PRR16: variants seen among roughly 807,000 people sequenced by gnomAD.
PRR16 encodes proline rich 16.
Under a neutral mutation model 18.2 loss-of-function variants are expected in PRR16, and 6 were observed. The observed-to-expected ratio is 0.33, with a 90% CI of 0.18 to 0.65. The LOEUF (loss-of-function observed/expected upper bound fraction) is 0.65, where lower values mean the gene tolerates loss of function less well. Ranked by LOEUF, PRR16 falls within the 30% of genes least tolerant of loss-of-function variation. PRR16 has a pLI of 0.74. For missense variants in PRR16, 412 were observed against 376.6 expected (o/e 1.09, Z -0.78); for synonymous variants, 151 against 147.8 (o/e 1.02, Z -0.16).
At chr5:120,693,668 A>G in the PRR16 span, among the ~76,000 whole-genome samples, 1 of 151,650 alleles carries the variant, frequency 6.6e-6, no homozygotes, top group South Asian at 2.1e-4. Flanking sequence ...GGAAATTACT[A>G]TTTACTCAAT....
intron 1 of PRR16, among the ~76,000 whole-genome samples, chr5:120,566,429 A>G (rs1366398620): frequency 6.6e-6 from 1 of 152,222 alleles, no homozygotes; most frequent in Non-Finnish European, 1.5e-5. Flanking sequence ...TACCAAACTA[A>G]TAGCATGACT....
At chr5:120,754,939 T>C in the PRR16 span, among the ~76,000 whole-genome samples, 5 of 150,784 alleles carry the variant, frequency 3.3e-5, no homozygotes, top group South Asian at 6.2e-4. Flanking sequence ...TAGAATATCA[T>C]AGAGTGTACA....
the PRR16 span, among the ~76,000 whole-genome samples, chr5:120,694,512 G>A: frequency 2.0e-5 from 3 of 151,832 alleles, no homozygotes; most frequent in African/African-American, 7.3e-5. Flanking sequence ...GTGAAACCCC[G>A]TCTGTACTAA....
the PRR16 span, among the ~76,000 whole-genome samples, chr5:120,713,366 T>G: frequency 6.6e-6 from 1 of 152,170 alleles, no homozygotes; most frequent in Non-Finnish European, 1.5e-5. Flanking sequence ...TTTCATGGGC[T>G]AGGAAAAGAA....
chr5:120,585,828 C>T (rs1753422434), intron 1 of PRR16, among the ~76,000 whole-genome samples: 1 of 151,588 alleles, frequency 6.6e-6, no homozygotes, highest in South Asian at 2.1e-4. Context: ...CCTTCATTTC[C>T]AGGATCCCTG....
intron 1 of PRR16, among the ~76,000 whole-genome samples, chr5:120,622,707 G>A (rs901972182): frequency 4.6e-5 from 7 of 151,956 alleles, no homozygotes; most frequent in African/African-American, 1.7e-4. Flanking sequence ...TCGATCTCCT[G>A]ACCTTATGAT....
rs530815278 is a variant in PRR16, at chr5:120,610,068, G to A, written c.160-75886G>A. On this transcript the variant is annotated intron_variant, in intron 1 of 1. Coordinates refer to ENST00000407149, the MANE Select transcript of PRR16 (RefSeq NM_001300783.2). ...CACGGGCCCATTTAGCACCTATACCGTTATCCTGAAGAGGCAGGTGCAAAA... is the reference window on the plus strand; with the variant it reads ...CACGGGCCCATTTAGCACCTATACCATTATCCTGAAGAGGCAGGTGCAAAA... Among the ~76,000 whole-genome samples the A allele has an allele frequency of 1.3e-4, 20 of 152,184 alleles. No homozygotes were observed. The South Asian group carries it at 2.7e-3, about 21-fold the overall frequency.
chr5:120,712,458 A>G, the PRR16 span, among the ~76,000 whole-genome samples: 1 of 151,880 alleles, frequency 6.6e-6, no homozygotes, highest in African/African-American at 2.4e-5. Context: ...TATTTTTTAG[A>G]TTCCACATAT....
At chr5:120,575,527 T>C (rs2112743880) in intron 1 of PRR16, among the ~76,000 whole-genome samples, 1 of 152,252 alleles carries the variant, frequency 6.6e-6, no homozygotes, top group Non-Finnish European at 1.5e-5. Context: ...AAACATGGTA[T>C]GTCAGATCAA....
At chr5:120,654,477 C>CTT (rs549516616) in intron 1 of PRR16, among the ~76,000 whole-genome samples, 12 of 147,908 alleles carry the variant, frequency 8.1e-5, no homozygotes, top group African/African-American at 3.0e-4. Flanking sequence ...CAAAAAGTGT[C>CTT]TTTTTTTTTT....
chr5:120,635,628 A>G (rs1755202196), intron 1 of PRR16, among the ~76,000 whole-genome samples: 1 of 152,184 alleles, frequency 6.6e-6, no homozygotes, highest in South Asian at 2.1e-4. Flanking sequence ...TTAAGGTAGT[A>G]AAAACCATCT....
chr5:120,734,888 A>G, the PRR16 span, among the ~76,000 whole-genome samples: 16 of 152,218 alleles, frequency 1.1e-4, no homozygotes, highest in Non-Finnish European at 7.3e-5. Flanking sequence ...ATTCAGCTTG[A>G]CAAGTATTTG....
intron 1 of PRR16, among the ~76,000 whole-genome samples, chr5:120,639,864 T>A (rs1755363748): frequency 6.6e-6 from 1 of 151,786 alleles, no homozygotes; most frequent in African/African-American, 2.4e-5. Flanking sequence ...GCATTGTTCA[T>A]AATAGCAAAG....
At chr5:120,651,709 C>T (rs569521205) in intron 1 of PRR16, among the ~76,000 whole-genome samples, 2 of 152,140 alleles carry the variant, frequency 1.3e-5, no homozygotes, top group African/African-American at 2.4e-5. Context: ...GGTACCAGTA[C>T]CATGCTGCTT....
chr5:120,508,055 G>C lies in PRR16; in HGVS notation c.159+43410G>C, dbSNP rs538075598. Reference sequence around the variant, plus strand: ...ACCTCTCCTACTAAATTGTGGTGCAGTCAGACTGGTGGTGCCTAAGTATGT... The same window carrying C: ...ACCTCTCCTACTAAATTGTGGTGCACTCAGACTGGTGGTGCCTAAGTATGT... On this transcript the variant is annotated intron_variant, in intron 1 of 1. Coordinates refer to ENST00000407149, the MANE Select transcript of PRR16 (RefSeq NM_001300783.2). Among the ~76,000 whole-genome samples, 3 of 152,236 alleles carry C rather than the reference G, an allele frequency of 2.0e-5. No homozygotes were observed. In the South Asian group the frequency reaches 6.2e-4, roughly 32 times the overall value.
the PRR16 span, among the ~76,000 whole-genome samples, chr5:120,792,047 C>CCA: frequency 6.6e-6 from 1 of 152,066 alleles, no homozygotes; most frequent in South Asian, 2.1e-4. Context: ...ATGAAGCAAT[C>CCA]CATGCTGATT....
At chr5:120,637,372 A>T (rs2112850305) in intron 1 of PRR16, among the ~76,000 whole-genome samples, 1 of 151,410 alleles carries the variant, frequency 6.6e-6, no homozygotes, top group East Asian at 1.9e-4. Flanking sequence ...TAGCAGCAAA[A>T]TTTGCAGTTT....
At chr5:120,627,582 C>A (rs1330182235) in intron 1 of PRR16, among the ~76,000 whole-genome samples, 1 of 151,962 alleles carries the variant, frequency 6.6e-6, no homozygotes, top group Non-Finnish European at 1.5e-5. Context: ...AAATAATGTT[C>A]CTGAATGCAT....
intron 1 of PRR16, among the ~76,000 whole-genome samples, chr5:120,673,904 G>A (rs973573063): frequency 2.0e-5 from 3 of 151,138 alleles, no homozygotes; most frequent in African/African-American, 4.9e-5. Flanking sequence ...ACAGTGAGCC[G>A]AGATTGCACC....
Sources: gnomAD v4.1 joint callset for allele counts (sites outside exome capture counted in the v4.1 genomes callset) on GRCh38, gnomAD v4.1.1 for gene constraint, MANE v1.5 for transcripts, NCBI Gene and HGNC (gene_info 2026-07-23, HGNC 2026-07-21) for gene names.